The following KCNQ3 variants were observed in gnomAD, a reference collection of about 807,000 sequenced individuals.
KCNQ3 encodes the protein potassium voltage-gated channel subfamily Q member 3, also known as potassium voltage-gated channel subfamily KQT member 3.
Under a neutral mutation model 92.5 loss-of-function variants are expected in KCNQ3, and 30 were observed. The observed-to-expected ratio is 0.32, with a 90% CI of 0.24 to 0.44. The LOEUF is 0.44. KCNQ3 is among the 20% of genes least tolerant of loss of function. KCNQ3 has a pLI of 1.00. For synonymous variants in KCNQ3, 450 were observed against 468.8 expected (o/e 0.96, Z 0.52); for missense variants, 913 against 1,140.3 (o/e 0.80, Z 2.87).
intron 1 of KCNQ3, among the ~76,000 whole-genome samples, chr8:132,390,543 G>T (rs565957236): frequency 6.6e-6 from 1 of 152,210 alleles, no homozygotes; most frequent in Non-Finnish European, 1.5e-5. Context: ...TGAGAGCAGG[G>T]TGTGGTATGG....
At chr8:132,394,759 C>T (rs912520793) in intron 1 of KCNQ3, among the ~76,000 whole-genome samples, 4 of 152,164 alleles carry the variant, frequency 2.6e-5, no homozygotes, top group Non-Finnish European at 5.9e-5. Context: ...TCAGACAGGA[C>T]CCCAGATTGG....
intron 1 of KCNQ3, among the ~76,000 whole-genome samples, chr8:132,325,695 C>A (rs1397862860): frequency 2.0e-5 from 3 of 152,156 alleles, no homozygotes; most frequent in Non-Finnish European, 4.4e-5. Flanking sequence ...GGACTTCTAG[C>A]CTTCAGAACT....
At chr8:132,169,987 C>T (rs1020665378) in intron 8 of KCNQ3, among the ~76,000 whole-genome samples, 1 of 152,134 alleles carries the variant, frequency 6.6e-6, no homozygotes, top group African/African-American at 2.4e-5. Flanking sequence ...ATTCTCCTGC[C>T]TCAGCCTCCT....
chr8:132,158,308 A>G (rs1825869989), intron 9 of KCNQ3, among the ~76,000 whole-genome samples: 1 of 152,168 alleles, frequency 6.6e-6, no homozygotes, highest in Non-Finnish European at 1.5e-5. Flanking sequence ...GAAGCATGGA[A>G]GGTGTTTGAT....
chr8:132,259,626 C>T (rs1052408516), intron 1 of KCNQ3, among the ~76,000 whole-genome samples: 11 of 152,156 alleles, frequency 7.2e-5, no homozygotes, highest in South Asian at 4.1e-4. Context: ...CATTTCTATT[C>T]GACTTTGGAC....
chr8:132,417,815 T>C (rs1171906407), intron 1 of KCNQ3, among the ~76,000 whole-genome samples: 2 of 152,194 alleles, frequency 1.3e-5, no homozygotes, highest in African/African-American at 4.8e-5. Context: ...AAGCCAGTCA[T>C]TCAGAACCTA....
In KCNQ3 at chr8:132,137,483, AT is replaced by A. The variant is rs559746837; in HGVS notation, c.1700+401del. ...AGTTAGGCATTGATGCTATTTCCAT[AT>A]CTTTCACTATTATAAGTAATACCTG... is the stretch of plus-strand genomic sequence containing the variant. On this transcript the variant is annotated intron_variant, in intron 12 of 14. Coordinates refer to ENST00000388996, the MANE Select transcript of KCNQ3 (RefSeq NM_004519.4). Among the ~76,000 whole-genome samples the A allele has an allele frequency of 1.0e-3, 158 of 152,352 alleles. 2 individuals carry two copies. Among genetic ancestry groups the A allele is most frequent in the African/African-American group, 3.5e-3 (147 of 41,580 alleles).
chr8:132,445,343 T>C (rs1181425391), intron 1 of KCNQ3, among the ~76,000 whole-genome samples: 1 of 151,896 alleles, frequency 6.6e-6, no homozygotes, highest in Non-Finnish European at 1.5e-5. Context: ...GCAAGGCAGG[T>C]CTCCATGGCC....
intron 2 of KCNQ3, 31 bp downstream of exon 2, chr8:132,186,060 C>G: frequency 6.4e-7 from 1 of 1,553,326 alleles, no homozygotes; most frequent in Non-Finnish European, 8.9e-7. Context: ...GAAGCCCAAC[C>G]AGAAGCATTT....
intron 1 of KCNQ3, among the ~76,000 whole-genome samples, chr8:132,266,473 A>G (rs1258101461): frequency 6.6e-6 from 1 of 152,176 alleles, no homozygotes; most frequent in Non-Finnish European, 1.5e-5. Context: ...CAGCAAGCTC[A>G]TCACAGCCTG....
At chr8:132,257,959 G>A (rs1017033537) in intron 1 of KCNQ3, among the ~76,000 whole-genome samples, 3 of 151,918 alleles carry the variant, frequency 2.0e-5, no homozygotes, top group Non-Finnish European at 4.4e-5. Flanking sequence ...CATTAGAAAG[G>A]CATAACAATT....
At chr8:132,459,431 T>C (rs894473436) in intron 1 of KCNQ3, among the ~76,000 whole-genome samples, 2 of 152,174 alleles carry the variant, frequency 1.3e-5, no homozygotes, top group African/African-American at 4.8e-5. Context: ...GGAGCTGGTA[T>C]GTGCAGAGAT....
intron 1 of KCNQ3, among the ~76,000 whole-genome samples, chr8:132,364,786 A>T (rs1373658754): frequency 6.6e-6 from 1 of 152,144 alleles, no homozygotes; most frequent in Admixed American, 6.6e-5. Context: ...GTCAGTATGT[A>T]CTTATGCAAA....
chr8:132,464,949 G>T (rs1219557085), intron 1 of KCNQ3, among the ~76,000 whole-genome samples: 1 of 152,200 alleles, frequency 6.6e-6, no homozygotes, highest in Non-Finnish European at 1.5e-5. Flanking sequence ...AGTTTGATCA[G>T]TGTATGTATA....
At chr8:132,130,206 C>A (rs1824837518) in intron 14 of KCNQ3, among the ~76,000 whole-genome samples, 1 of 151,800 alleles carries the variant, frequency 6.6e-6, no homozygotes, top group Non-Finnish European at 1.5e-5. Context: ...CTCAGCCTCC[C>A]AAGTAGCTGG....
chr8:132,146,850 G>T (rs1825465380), intron 9 of KCNQ3, among the ~76,000 whole-genome samples: 1 of 152,156 alleles, frequency 6.6e-6, no homozygotes, highest in South Asian at 2.1e-4. Context: ...TAGAAACAGG[G>T]TTTTGCCATG....
At chr8:132,168,595 G>A (rs986687108) in intron 8 of KCNQ3, among the ~76,000 whole-genome samples, 2 of 152,072 alleles carry the variant, frequency 1.3e-5, no homozygotes, top group African/African-American at 4.8e-5. Context: ...TCAGGTTTTG[G>A]ACTTTCTTTA....
At chr8:132,375,567 G>A (rs565949177) in intron 1 of KCNQ3, among the ~76,000 whole-genome samples, 2 of 152,282 alleles carry the variant, frequency 1.3e-5, no homozygotes, top group South Asian at 4.2e-4. Context: ...TGTCTCAGAG[G>A]TCCTGGGGTA....
At position 132,122,515 on chromosome 8, in the gene KCNQ3, A is replaced by G. The variant is rs1824512965; in HGVS notation, c.*6747T>C. 6.6e-6 allele frequency: 1 copy of G among 152,230 alleles called. No individual in the cohort carries two copies. Among genetic ancestry groups the G allele is most frequent in the Non-Finnish European group, 1.5e-5 (1 of 68,030 alleles). 9.4% of individuals were successfully genotyped at this position (152,230 alleles called of 1,614,324 possible). The stretch of plus-strand genomic sequence containing the variant: ...CCTCATTGTAAGCCATTCTCAAGTT[A>G]TTCTTATATACAGCCGATTTTTGGC... On this transcript the variant is annotated 3_prime_UTR_variant, in exon 15 of 15. Coordinates refer to ENST00000388996, the MANE Select transcript of KCNQ3 (RefSeq NM_004519.4).
Sources: gnomAD v4.1 joint callset for allele counts (sites outside exome capture counted in the v4.1 genomes callset) on GRCh38, gnomAD v4.1.1 for gene constraint, MANE v1.5 for transcripts, NCBI Gene and HGNC (gene_info 2026-07-23, HGNC 2026-07-21) for gene names.